PLCXD3: variants seen among roughly 807,000 people sequenced by gnomAD.
The protein encoded by PLCXD3 is PI-PLC X domain-containing protein 3.
Under a neutral mutation model 25.5 loss-of-function variants are expected in PLCXD3, and 19 were observed. The observed-to-expected ratio is 0.75, with a 90% CI of 0.52 to 1.09. The LOEUF (loss-of-function observed/expected upper bound fraction) is 1.09. PLCXD3 is among the 50% of genes least tolerant of loss of function. The pLI, the probability that PLCXD3 is intolerant of heterozygous loss-of-function variation, is 0.00. For synonymous variants in PLCXD3, 174 were observed against 137.6 expected (o/e 1.26, Z -1.85); for missense variants, 411 against 388.1 (o/e 1.06, Z -0.50).
chr5:41,464,495 T>G (rs529359670), intron 1 of PLCXD3, among the ~76,000 whole-genome samples: 1 of 152,074 alleles, frequency 6.6e-6, no homozygotes, highest in South Asian at 2.1e-4. Flanking sequence ...GATGGGTTGA[T>G]GGGTGTGGCA....
At chr5:41,404,060 C>A (rs1470782254) in intron 1 of PLCXD3, among the ~76,000 whole-genome samples, 1 of 152,086 alleles carries the variant, frequency 6.6e-6, no homozygotes, top group African/African-American at 2.4e-5. Context: ...GTTGGCTCTT[C>A]CAAGCAAATG....
rs778305942 is a variant in PLCXD3 at position 41,381,941 on chromosome 5, T to G, written c.697A>C (p.Ile233Leu). 1 of 1,613,396 alleles carries G rather than the reference T, an allele frequency of 6.2e-7. No individual in the cohort carries two copies. The highest frequency in any genetic ancestry group is 8.5e-7 in the Non-Finnish European group (1 of 1,179,650). The change falls in exon 2 of 3, where the codon ATC becomes CTC. Residue 233 changes from isoleucine to leucine, a missense_variant. By Grantham distance (5) the Ile-to-Leu change is conservative (BLOSUM62 2). Coordinates refer to ENST00000377801, the MANE Select transcript of PLCXD3 (RefSeq NM_001005473.3). ...GATCCCTTCTTTCTTCTCTCAGTGA[T>G]GGATGCTTGAAGAAACTGGATCAGT... ...EKLIQFLQAS[I>L]TERRKKGSFF...
intron 1 of PLCXD3, among the ~76,000 whole-genome samples, chr5:41,403,398 G>GTTTTTTTTTTTTTGTTTTGTTT (rs764950342): frequency 2.9e-4 from 10 of 33,996 alleles, no homozygotes; most frequent in African/African-American, 1.1e-3. Context: ...TGACTTATTT[G>GTTTTTTTTTTTTTGTTTTGTTT]TTGTTTTTTT....
intron 2 of PLCXD3, among the ~76,000 whole-genome samples, chr5:41,355,070 T>A (rs578083186): frequency 6.6e-6 from 1 of 152,256 alleles, no homozygotes; most frequent in Admixed American, 6.5e-5. Flanking sequence ...TAGACACACA[T>A]CAAGCTTCCC....
chr5:41,411,411 G>C (rs1746515225), intron 1 of PLCXD3, among the ~76,000 whole-genome samples: 1 of 152,258 alleles, frequency 6.6e-6, no homozygotes, highest in Non-Finnish European at 1.5e-5. Context: ...TTTGAGGGTT[G>C]GGGATTATTT....
intron 1 of PLCXD3, among the ~76,000 whole-genome samples, chr5:41,431,972 G>A (rs993127921): frequency 6.6e-6 from 1 of 152,170 alleles, no homozygotes; most frequent in Non-Finnish European, 1.5e-5. Context: ...GGGACCTTGA[G>A]CAAGAGGACC....
chr5:41,403,827 C>A (rs1580354237), intron 1 of PLCXD3, among the ~76,000 whole-genome samples: 1 of 149,292 alleles, frequency 6.7e-6, no homozygotes, highest in Admixed American at 6.7e-5. Flanking sequence ...GGGTTGGTTC[C>A]AAGTCTTTGC....
intron 1 of PLCXD3, among the ~76,000 whole-genome samples, chr5:41,473,528 C>T (rs533081139): frequency 5.2e-4 from 79 of 151,920 alleles, no homozygotes; most frequent in Admixed American, 1.3e-3. Context: ...GCGCAGGCTC[C>T]GCCTCCCAGG....
chr5:41,478,445 T>C (rs1051334817), intron 1 of PLCXD3, among the ~76,000 whole-genome samples: 2 of 145,786 alleles, frequency 1.4e-5, no homozygotes, highest in African/African-American at 4.8e-5. Flanking sequence ...GTCACTTTTC[T>C]AGAAGCCATC....
Position 41,313,237 on chromosome 5 carries a change from G to C in PLCXD3, c.*380C>G. Reference sequence around the variant, plus strand: ...CATACAGCATCTGATTAAAAAGAGCGAGCAAGAGAGGGAGCAGAAAGGTTG... The same window carrying C: ...CATACAGCATCTGATTAAAAAGAGCCAGCAAGAGAGGGAGCAGAAAGGTTG... On this transcript the variant is annotated 3_prime_UTR_variant, in exon 3 of 3. Coordinates refer to ENST00000377801, the MANE Select transcript of PLCXD3 (RefSeq NM_001005473.3). 5.7e-6 allele frequency: 1 copy of C among 175,356 alleles called. No homozygotes were observed. The highest frequency in any genetic ancestry group is 1.2e-5 in the Non-Finnish European group (1 of 81,554). 10.9% of individuals were successfully genotyped at this position (175,356 alleles called of 1,614,324 possible).
At chr5:41,483,867 C>T (rs1233565978) in intron 1 of PLCXD3, among the ~76,000 whole-genome samples, 3 of 151,974 alleles carry the variant, frequency 2.0e-5, no homozygotes, top group South Asian at 2.1e-4. Context: ...TTTGGCCCTC[C>T]CCTATCCAAA....
At chr5:41,503,261 C>G (rs1455745170) in intron 1 of PLCXD3, among the ~76,000 whole-genome samples, 1 of 152,092 alleles carries the variant, frequency 6.6e-6, no homozygotes, top group Non-Finnish European at 1.5e-5. Context: ...CACTTTGCCT[C>G]ATGAAATAAA....
chr5:41,412,578 C>T (rs183058981), intron 1 of PLCXD3, among the ~76,000 whole-genome samples: 2 of 152,278 alleles, frequency 1.3e-5, no homozygotes, highest in Admixed American at 1.3e-4. Flanking sequence ...TGCTCCTTTG[C>T]CACTCGCCCT....
intron 1 of PLCXD3, among the ~76,000 whole-genome samples, chr5:41,447,126 A>C (rs781376347): frequency 2.6e-5 from 4 of 152,168 alleles, no homozygotes; most frequent in Non-Finnish European, 5.9e-5. Flanking sequence ...GAATGGTTCT[A>C]TTAACCTTTA....
At chr5:41,357,661 G>A (rs543600040) in intron 2 of PLCXD3, among the ~76,000 whole-genome samples, 97 of 152,232 alleles carry the variant, frequency 6.4e-4, no homozygotes, top group Non-Finnish European at 9.9e-4. Context: ...ACACAAGCTT[G>A]AGCAAGTCTA....
At chr5:41,365,919 A>C (rs77617017) in intron 2 of PLCXD3, among the ~76,000 whole-genome samples, 4 of 10,154 alleles carry the variant, frequency 3.9e-4, no homozygotes, top group African/African-American at 8.4e-4. Context: ...CCATTTATTT[A>C]TTTATTTATT....
intron 1 of PLCXD3, among the ~76,000 whole-genome samples, chr5:41,448,454 T>G (rs1443871694): frequency 6.6e-6 from 1 of 152,170 alleles, no homozygotes; most frequent in Non-Finnish European, 1.5e-5. Flanking sequence ...CAAAAGTAAC[T>G]AAGAAAATTG....
intron 2 of PLCXD3, among the ~76,000 whole-genome samples, chr5:41,353,114 A>G (rs1016283521): frequency 7.0e-6 from 1 of 143,028 alleles, no homozygotes; most frequent in African/African-American, 2.6e-5. Context: ...TTTTTTTGAG[A>G]CAGAGTCTCG....
At chr5:41,358,898 C>T (rs1387276153) in intron 2 of PLCXD3, among the ~76,000 whole-genome samples, 1 of 152,046 alleles carries the variant, frequency 6.6e-6, no homozygotes, top group South Asian at 2.1e-4. Flanking sequence ...CCCTTGTATG[C>T]CATTTTTGCT....
Sources: allele counts gnomAD v4.1 joint callset (sites outside exome capture counted in the v4.1 genomes callset), GRCh38; gene constraint gnomAD v4.1.1; transcripts MANE v1.5; gene names NCBI Gene and HGNC (gene_info 2026-07-23, HGNC 2026-07-21).